DDX60L: variants seen among roughly 807,000 people sequenced by gnomAD.
DDX60L encodes the protein probable ATP-dependent RNA helicase DDX60-like.
DDX60L carries 191 observed loss-of-function variants against 211.6 expected under a neutral mutation model. That is an observed-to-expected ratio of 0.90 (90% confidence interval 0.80 to 1.02). The LOEUF (loss-of-function observed/expected upper bound fraction) is 1.02, where lower values mean the gene tolerates loss of function less well. Ranked by LOEUF, DDX60L falls within the 50% of genes least tolerant of loss-of-function variation. The pLI is 0.00. For missense variants in DDX60L, 2,007 were observed against 1,984.1 expected (o/e 1.01, Z -0.22); for synonymous variants, 706 against 694.1 (o/e 1.02, Z -0.27).
intron 6 of DDX60L, among the ~76,000 whole-genome samples, chr4:168,457,117 G>A (rs1756668970): frequency 6.6e-6 from 1 of 151,994 alleles, no homozygotes; most frequent in South Asian, 2.1e-4. Flanking sequence ...TCAGGAGGCT[G>A]AGGTGGGAGG....
chr4:168,412,704 T>C (rs1748893124), intron 22 of DDX60L, among the ~76,000 whole-genome samples: 1 of 152,194 alleles, frequency 6.6e-6, no homozygotes, highest in Non-Finnish European at 1.5e-5. Context: ...CAATGATTAT[T>C]GTGAGCCTAG....
intron 29 of DDX60L, among the ~76,000 whole-genome samples, chr4:168,388,429 A>T (rs756120007): frequency 3.5e-4 from 53 of 152,248 alleles, no homozygotes; most frequent in South Asian, 1.4e-3. Flanking sequence ...ATATATTTTT[A>T]AAAAATCACA....
At chr4:168,480,275 C>T (rs1760259542) in intron 1 of DDX60L, 102 bp downstream of exon 1, 1 of 152,564 alleles carries the variant, frequency 6.6e-6, no homozygotes, top group Non-Finnish European at 1.5e-5. Context: ...CAGGCCACCT[C>T]CCCGCCCGGT....
At position 168,415,525 on chromosome 4, in the gene DDX60L, C is replaced by T. The variant is rs371218654; in HGVS notation, c.2870-8G>A. 1.4e-4 allele frequency: 223 copies of T among 1,539,138 alleles called. No homozygotes were observed. The highest frequency in any genetic ancestry group is 1.9e-4 in the Non-Finnish European group (210 of 1,122,516). On this transcript the variant is annotated splice_region_variant and splice_polypyrimidine_tract_variant and intron_variant, in intron 21 of 37. Coordinates refer to ENST00000682922, the MANE Select transcript of DDX60L (RefSeq NM_001012967.3). ...ATCTCTCTCCACAGAGCACTAGATACGAAGAGCAAGAATATCCAAATTAAT... is the reference window on the plus strand; with the variant it reads ...ATCTCTCTCCACAGAGCACTAGATATGAAGAGCAAGAATATCCAAATTAAT...
chr4:168,407,623 G>A (rs1167839217), intron 22 of DDX60L, among the ~76,000 whole-genome samples: 3 of 152,166 alleles, frequency 2.0e-5, no homozygotes, highest in South Asian at 2.1e-4. Context: ...AAAGGGACAG[G>A]ATATCACACT....
At chr4:168,364,770 G>A (rs1024894170) in intron 36 of DDX60L, among the ~76,000 whole-genome samples, 3 of 152,152 alleles carry the variant, frequency 2.0e-5, no homozygotes, top group African/African-American at 7.2e-5. Context: ...TAGATCATAT[G>A]TTTGATCACC....
At chr4:168,426,708 C>T (rs1751508899) in intron 14 of DDX60L, among the ~76,000 whole-genome samples, 1 of 152,204 alleles carries the variant, frequency 6.6e-6, no homozygotes, top group African/African-American at 2.4e-5. Flanking sequence ...AGCAACTTCA[C>T]ATCTCCCTGG....
intron 22 of DDX60L, among the ~76,000 whole-genome samples, chr4:168,410,587 A>G (rs755977589): frequency 1.3e-5 from 2 of 152,218 alleles, no homozygotes; most frequent in Non-Finnish European, 2.9e-5. Context: ...TAAAAAAAGG[A>G]CCAACTATTG....
intron 24 of DDX60L, 53 bp downstream of exon 24, chr4:168,405,897 T>G: frequency 6.7e-7 from 1 of 1,493,188 alleles, no homozygotes; most frequent in East Asian, 2.4e-5. Flanking sequence ...ATTATGCAAC[T>G]CCAAACAATT....
At chr4:168,368,596 C>T (rs1218767491) in intron 36 of DDX60L, among the ~76,000 whole-genome samples, 1 of 152,226 alleles carries the variant, frequency 6.6e-6, no homozygotes, top group Non-Finnish European at 1.5e-5. Context: ...CCACTATCCT[C>T]TGTACCCCAG....
intron 34 of DDX60L, 103 bp from the exon 35 acceptor site, chr4:168,373,911 C>T: frequency 8.5e-7 from 1 of 1,181,674 alleles, no homozygotes; most frequent in Non-Finnish European, 1.2e-6. Context: ...ACATTCATCT[C>T]ATCAGAATGA....
chr4:168,471,764 T>C lies in DDX60L; in HGVS notation c.247A>G (p.Thr83Ala), dbSNP rs1195611795. 12 of 1,595,800 alleles carry C rather than the reference T, an allele frequency of 7.5e-6. No individual in the cohort carries two copies. The highest frequency in any genetic ancestry group is 1.0e-5 in the Non-Finnish European group (12 of 1,175,906). ...TATATTACCTTAAAGAAAACTATGGTGAATTGTCCTCCGTTACTCAGAAGA... is the reference window on the plus strand; with the variant it reads ...TATATTACCTTAAAGAAAACTATGGCGAATTGTCCTCCGTTACTCAGAAGA... ...VDLLSNGGQF[T>A]IVFFKDAEYA... Residue 83 changes from threonine (T) to alanine (A), a missense_variant, in exon 4 of 38, where the codon ACC becomes GCC. Coordinates refer to ENST00000682922, the MANE Select transcript of DDX60L (RefSeq NM_001012967.3).
intron 9 of DDX60L, among the ~76,000 whole-genome samples, chr4:168,443,025 G>T (rs1052142641): frequency 6.6e-6 from 1 of 152,234 alleles, no homozygotes; most frequent in African/African-American, 2.4e-5. Flanking sequence ...AAGCTGGATG[G>T]AGAATGACTT....
At chr4:168,385,351 C>T (rs547913788) in intron 29 of DDX60L, among the ~76,000 whole-genome samples, 1 of 152,280 alleles carries the variant, frequency 6.6e-6, no homozygotes, top group South Asian at 2.1e-4. Context: ...GGGTGGTGTG[C>T]CCTCAGAGGG....
Position 168,394,542 on chromosome 4 carries a change from T to C in DDX60L, c.3733A>G (p.Ile1245Val). The C allele has an allele frequency of 6.2e-7, 1 of 1,613,658 alleles. No homozygotes were observed. Among genetic ancestry groups the C allele is most frequent in the Non-Finnish European group, 8.5e-7 (1 of 1,179,632 alleles). ...KELKALAQRG[I>V]GYHHSSMYFK... ...TACATGCTGCTGTGATGATATCCAATCCCCCTTTGTGCTAAAGCCTTCAGT... is the reference window on the plus strand; with the variant it reads ...TACATGCTGCTGTGATGATATCCAACCCCCCTTTGTGCTAAAGCCTTCAGT... Residue 1245 changes from isoleucine (I) to valine (V), a missense_variant, in exon 28 of 38, where the codon ATT becomes GTT. Coordinates refer to ENST00000682922, the MANE Select transcript of DDX60L (RefSeq NM_001012967.3).
At position 168,477,553 on chromosome 4, in the gene DDX60L, C is replaced by T. The variant is rs536704327; in HGVS notation, c.-111+2824G>A. Among the ~76,000 whole-genome samples the T allele has an allele frequency of 9.8e-4, 149 of 152,212 alleles. 1 individual carries two copies. The highest frequency in any genetic ancestry group is 1.8e-3 in the Non-Finnish European group (120 of 68,018). ...ATTTTCTTAATACTAACAATTAAAC[C>T]ATAACATACCACAGGTTTGTAATTT... On this transcript the variant is annotated intron_variant, in intron 1 of 37. Transcript: ENST00000682922.
intron 32 of DDX60L, 36 bp downstream of exon 32, chr4:168,379,327 C>T: frequency 6.8e-7 from 1 of 1,476,774 alleles, no homozygotes; most frequent in Non-Finnish European, 9.0e-7. Context: ...AAATATGTTG[C>T]CATTTTTCGA....
At position 168,472,539 on chromosome 4, in the gene DDX60L, AT is replaced by A; in HGVS notation, c.5-16del. 6.3e-7 allele frequency: 1 copy of A among 1,579,334 alleles called. No homozygotes were observed. Among genetic ancestry groups the A allele is most frequent in the Non-Finnish European group, 8.6e-7 (1 of 1,160,726 alleles). ...ATCCTTTGACCCTAAAAATAAGGAG[AT>A]TTTTTGAGCCATCAATATTTTTACA... On this transcript the variant is annotated splice_polypyrimidine_tract_variant and intron_variant, in intron 2 of 37. Coordinates refer to ENST00000682922, the MANE Select transcript of DDX60L (RefSeq NM_001012967.3).
rs1561044129 is a variant in DDX60L, at chr4:168,423,821, C to T, written c.1931-47G>A. On this transcript the variant is annotated intron_variant, in intron 14 of 37. Transcript: ENST00000682922. ...TTGTTATAAAGAACACCAAAAATAA[C>T]TGGTTGATCACTTACGACAATCATT... 4.7e-6 allele frequency: 6 copies of T among 1,264,844 alleles called. No homozygotes were observed. The African/African-American group carries it at 9.2e-5, about 19-fold the overall frequency. 78.4% of individuals were successfully genotyped at this position (1,264,844 alleles called of 1,614,324 possible).
Sources: allele counts gnomAD v4.1 joint callset (sites outside exome capture counted in the v4.1 genomes callset), GRCh38; gene constraint gnomAD v4.1.1; transcripts MANE v1.5; gene names NCBI Gene and HGNC (gene_info 2026-07-23, HGNC 2026-07-21).